The following ELP1 variants were observed in gnomAD, a reference collection of about 807,000 sequenced individuals.
ELP1 encodes the protein elongator acetyltransferase complex subunit 1, also known as elongator complex protein 1.
In ELP1, 131 loss-of-function variants were observed where a neutral mutation model predicts 183.2. That is an observed-to-expected ratio of 0.72 (90% CI 0.62 to 0.83). The LOEUF (loss-of-function observed/expected upper bound fraction) is 0.83. Among genes scored for constraint, ELP1 ranks in the 40% least tolerant of loss-of-function variants. The pLI is 0.00. For missense variants in ELP1, 1,550 were observed against 1,594.9 expected (o/e 0.97, Z 0.48); for synonymous variants, 555 against 569.0 (o/e 0.98, Z 0.35).
chr9:108,879,520 G>A lies in ELP1; in HGVS notation c.3498C>T (p.Phe1166=), dbSNP rs764005359. ...CACTCACGACACTGCTAGTTTCAGA[G>A]AAGAGGTCTGACTCTTGCCCGTGGG... The part of the protein sequence containing the change: ...EVPHGQESDL[F]SETSSVVSGS... Residue 1166 remains phenylalanine, a synonymous_variant, in exon 33 of 37, where the codon TTC becomes TTT. Transcript: ENST00000374647. The A allele has an allele frequency of 3.1e-6, 5 of 1,614,118 alleles. No homozygotes were observed. Among genetic ancestry groups the A allele is most frequent in the Non-Finnish European group, 3.4e-6 (4 of 1,179,978 alleles).
chr9:108,895,249 C>T (rs905458910), intron 25 of ELP1, among the ~76,000 whole-genome samples: 2 of 151,950 alleles, frequency 1.3e-5, no homozygotes, highest in African/African-American at 2.4e-5. Context: ...AAATAAATAC[C>T]GCACTCTAGA....
At chr9:108,918,166 C>T (rs1438308368) in intron 8 of ELP1, among the ~76,000 whole-genome samples, 8 of 152,166 alleles carry the variant, frequency 5.3e-5, no homozygotes, top group African/African-American at 1.7e-4. Flanking sequence ...CTCTTCTGCT[C>T]TATCATATAA....
chr9:108,901,369 G>T, intron 18 of ELP1, 56 bp downstream of exon 18: 1 of 1,223,768 alleles, frequency 8.2e-7, no homozygotes, highest in Non-Finnish European at 1.2e-6. Context: ...AAGTCATCAA[G>T]ACTCCAAAAG....
At chr9:108,889,685 G>A (rs1388563546) in intron 28 of ELP1, 1 of 449,700 alleles carries the variant, frequency 2.2e-6, no homozygotes, top group Non-Finnish European at 4.1e-6. Flanking sequence ...TTAACAGTAA[G>A]AGACCACTAT....
intron 14 of ELP1, 70 bp from the exon 15 acceptor site, chr9:108,903,739 T>C: frequency 1.8e-6 from 2 of 1,134,386 alleles, no homozygotes; most frequent in Non-Finnish European, 2.7e-6. Context: ...TTCACTGATT[T>C]TGAAAATCAA....
chr9:108,872,995 C>T (rs2118919558), intron 36 of ELP1, among the ~76,000 whole-genome samples: 1 of 152,176 alleles, frequency 6.6e-6, no homozygotes, highest in Non-Finnish European at 1.5e-5. Context: ...CAGGACATGA[C>T]ATATTTCACA....
intron 14 of ELP1, among the ~76,000 whole-genome samples, 182 bp from the exon 15 acceptor site, chr9:108,903,851 A>T (rs989127152): frequency 2.0e-5 from 3 of 146,498 alleles, no homozygotes; most frequent in East Asian, 4.0e-4. Flanking sequence ...ACACACACAC[A>T]CTTATACACT....
intron 36 of ELP1, among the ~76,000 whole-genome samples, chr9:108,873,115 C>G (rs1827551001): frequency 6.6e-6 from 1 of 152,178 alleles, no homozygotes; most frequent in Non-Finnish European, 1.5e-5. Flanking sequence ...TAGTCAAAAT[C>G]ATTTGAAGCA....
intron 6 of ELP1, among the ~76,000 whole-genome samples, chr9:108,920,186 G>A (rs1239687490): frequency 6.6e-6 from 1 of 152,030 alleles, no homozygotes; most frequent in Non-Finnish European, 1.5e-5. Flanking sequence ...ATCTATTCTA[G>A]AAGAGTAGCT....
intron 18 of ELP1, 77 bp from the exon 19 acceptor site, chr9:108,900,452 C>G (rs1258986175): frequency 2.5e-5 from 24 of 979,144 alleles, no homozygotes; most frequent in Middle Eastern, 4.1e-4. Context: ...AAACCGCACA[C>G]ATTATGTGAA....
chr9:108,890,875 A>G (rs550981169), intron 28 of ELP1, among the ~76,000 whole-genome samples: 4 of 152,286 alleles, frequency 2.6e-5, no homozygotes, highest in African/African-American at 9.6e-5. Context: ...CCATGATTCT[A>G]ACTTCTCCCC....
intron 5 of ELP1, among the ~76,000 whole-genome samples, chr9:108,925,087 C>T (rs1196289481): frequency 2.0e-5 from 3 of 152,128 alleles, no homozygotes; most frequent in African/African-American, 7.2e-5. Flanking sequence ...CACAAACCTT[C>T]CTTATCTTTC....
At chr9:108,874,794 A>G (rs886797482) in intron 36 of ELP1, 101 bp downstream of exon 36, 2 of 837,176 alleles carry the variant, frequency 2.4e-6, no homozygotes, top group African/African-American at 3.4e-5. Context: ...GTAGTGAAAA[A>G]TTGTATCCAA....
chr9:108,930,046 G>T (rs1829948827), intron 2 of ELP1, 125 bp from the exon 3 acceptor site: 2 of 1,134,234 alleles, frequency 1.8e-6, no homozygotes, highest in African/African-American at 1.6e-5. Flanking sequence ...ATTTTTTCTA[G>T]ATGAAAATCC....
At chr9:108,918,318 A>G (rs1204566967) in intron 8 of ELP1, among the ~76,000 whole-genome samples, 1 of 152,208 alleles carries the variant, frequency 6.6e-6, no homozygotes, top group Non-Finnish European at 1.5e-5. Flanking sequence ...TGGGCCAAGG[A>G]GGAGAATGGA....
chr9:108,931,011 G>A lies in ELP1; in HGVS notation c.136C>T (p.Pro46Ser), dbSNP rs1293267613. The A allele has an allele frequency of 1.2e-6, 2 of 1,613,924 alleles. No individual in the cohort carries two copies. Among genetic ancestry groups the A allele is most frequent in the Non-Finnish European group, 8.5e-7 (1 of 1,180,002 alleles). Residue 46 changes from proline (P) to serine (S), a missense_variant, in exon 2 of 37, where the codon CCT becomes TCT. Pro to Ser is a moderately conservative substitution (Grantham distance 74). Coordinates refer to ENST00000374647, the MANE Select transcript of ELP1 (RefSeq NM_003640.5). ...GSEHGLIEVD[P>S]VSREVKNEVS... ...CAGTAACTTACTTCTCTTGAGACAG[G>A]GTCTACTTCTATCAGGCCATGTTCT... is the stretch of plus-strand genomic sequence containing the variant.
At position 108,889,319 on chromosome 9, in the gene ELP1, G is replaced by A; in HGVS notation, c.3222+13C>T. ...GCTGACTGGGGGGTTTAGAAGGGAG[G>A]AATTGAGTTTACCTGGGCACACTCT... On this transcript the variant is annotated intron_variant, in intron 29 of 36. Coordinates refer to ENST00000374647, the MANE Select transcript of ELP1 (RefSeq NM_003640.5). The A allele has an allele frequency of 6.2e-7, 1 of 1,612,526 alleles. No homozygotes were observed. The highest frequency in any genetic ancestry group is 1.1e-5 in the South Asian group (1 of 91,028).
chr9:108,932,725 C>T (rs912689535), intron 1 of ELP1, among the ~76,000 whole-genome samples: 4 of 152,130 alleles, frequency 2.6e-5, no homozygotes, highest in Admixed American at 2.6e-4. Context: ...ATTCCCTTAT[C>T]TTCTCGGAGG....
Position 108,898,904 on chromosome 9 carries a change from T to C in ELP1, c.2205-155A>G, listed in dbSNP as rs12238625. ...GGATTTCTACTCTGAAATTACAGAA[T>C]AAAAAAATCAGGTACCACATTCATT... On this transcript the variant is annotated intron_variant, in intron 20 of 36. Coordinates refer to ENST00000374647, the MANE Select transcript of ELP1 (RefSeq NM_003640.5). Among the ~76,000 whole-genome samples, 12,028 of 152,202 alleles carry C rather than the reference T, an allele frequency of 0.079. 543 individuals are homozygous for C. The highest frequency in any genetic ancestry group is 0.16 in the East Asian group (823 of 5,176).
Sources: gnomAD v4.1 joint callset for allele counts (sites outside exome capture counted in the v4.1 genomes callset) on GRCh38, gnomAD v4.1.1 for gene constraint, MANE v1.5 for transcripts, NCBI Gene and HGNC (gene_info 2026-07-23, HGNC 2026-07-21) for gene names.